The following KIF1B variants were observed in gnomAD, a reference collection of about 807,000 sequenced individuals.
The protein encoded by KIF1B is kinesin family member 1B.
In KIF1B, 76 loss-of-function variants were observed where a neutral mutation model predicts 241.9. The observed-to-expected ratio is 0.31, with a 90% CI of 0.26 to 0.38. The LOEUF (loss-of-function observed/expected upper bound fraction) is 0.38. Among genes scored for constraint, KIF1B ranks in the 10% least tolerant of loss-of-function variants. The pLI is 1.00. For missense variants in KIF1B, 1,622 were observed against 2,271.4 expected, an observed-to-expected ratio of 0.71 and a Z score of 5.81; for synonymous variants, 750 against 796.7, an observed-to-expected ratio of 0.94 and a Z score of 0.99.
intron 35 of KIF1B, among the ~76,000 whole-genome samples, chr1:10,346,587 A>T (rs954085189): frequency 1.3e-5 from 2 of 151,606 alleles, no homozygotes; most frequent in Non-Finnish European, 2.9e-5. Flanking sequence ...CTGGTCTCGA[A>T]CTCCCGACCT....
intron 1 of KIF1B, among the ~76,000 whole-genome samples, chr1:10,212,929 TATAC>T (rs1168767131): frequency 0.015 from 1,200 of 80,722 alleles, 14 homozygotes; most frequent in African/African-American, 0.023. Context: ...TATATATATA[TATAC>T]ACACACACAT....
At chr1:10,300,237 A>AAT (rs1553165909) in intron 22 of KIF1B, among the ~76,000 whole-genome samples, 25 of 143,914 alleles carry the variant, frequency 1.7e-4, no homozygotes, top group African/African-American at 4.8e-4. Context: ...ACTCAGTGTC[A>AAT]AATAATAATA....
intron 2 of KIF1B, among the ~76,000 whole-genome samples, chr1:10,249,351 T>G (rs1647315624): frequency 6.6e-6 from 1 of 152,188 alleles, no homozygotes; most frequent in Non-Finnish European, 1.5e-5. Flanking sequence ...TGAATGTTAG[T>G]AAAATCTACT....
chr1:10,249,670 A>T (rs1384620124), intron 2 of KIF1B, among the ~76,000 whole-genome samples: 2 of 152,142 alleles, frequency 1.3e-5, no homozygotes, highest in Admixed American at 1.3e-4. Context: ...GGGAGGCCAA[A>T]ACAGGAGAAT....
At chr1:10,262,606 C>G (rs1215939193) in intron 5 of KIF1B, among the ~76,000 whole-genome samples, 2 of 152,122 alleles carry the variant, frequency 1.3e-5, no homozygotes, top group South Asian at 2.1e-4. Context: ...GTGTAAGCAC[C>G]CATTGTGCCC....
intron 37 of KIF1B, among the ~76,000 whole-genome samples, chr1:10,349,181 G>T (rs866545897): frequency 7.9e-5 from 12 of 152,176 alleles, no homozygotes; most frequent in African/African-American, 2.9e-4. Context: ...GCTCATGCCT[G>T]TAATCCCAGC....
At chr1:10,251,734 C>CAA (rs1246569045) in intron 2 of KIF1B, among the ~76,000 whole-genome samples, 5 of 131,314 alleles carry the variant, frequency 3.8e-5, no homozygotes, top group Admixed American at 1.5e-4. Context: ...AACTCCGTCT[C>CAA]AAAAAAAAAA....
intron 22 of KIF1B, chr1:10,305,318 G>T: frequency 1.9e-6 from 2 of 1,047,062 alleles, no homozygotes; most frequent in Non-Finnish European, 2.3e-6. Flanking sequence ...ATCAGAATAT[G>T]TATGAAATTT....
At chr1:10,223,223 T>C (rs1208819088) in intron 1 of KIF1B, among the ~76,000 whole-genome samples, 2 of 151,976 alleles carry the variant, frequency 1.3e-5, no homozygotes, top group African/African-American at 2.4e-5. Flanking sequence ...GCACTTCATC[T>C]AGCCTGGGTG....
At chr1:10,242,655 T>TA (rs1404254540) in intron 2 of KIF1B, among the ~76,000 whole-genome samples, 1 of 152,108 alleles carries the variant, frequency 6.6e-6, no homozygotes, top group Non-Finnish European at 1.5e-5. Context: ...TAGCTGGGAT[T>TA]ACAGATGCCC....
intron 13 of KIF1B, 92 bp downstream of exon 13, chr1:10,278,220 A>G: frequency 1.5e-6 from 2 of 1,358,070 alleles, no homozygotes; most frequent in Non-Finnish European, 2.1e-6. Context: ...CTTCAAGTTA[A>G]GGAGCATGAT....
rs1344150193 is a variant in KIF1B at position 10,365,389 on chromosome 1, A to G, written c.4513-20A>G. 1.2e-6 allele frequency: 2 copies of G among 1,614,064 alleles called. No individual in the cohort carries two copies. The highest frequency in any genetic ancestry group is 1.7e-6 in the Non-Finnish European group (2 of 1,180,002). ...TAACGAGCTTTGTGTTTGCTATAGCAGTAGTATTGATCTTCTCAGGTGGAA... is the reference window on the plus strand; with the variant it reads ...TAACGAGCTTTGTGTTTGCTATAGCGGTAGTATTGATCTTCTCAGGTGGAA... On this transcript the variant is annotated intron_variant, in intron 42 of 48. Transcript: ENST00000676179. This position sits in a 1 kb window ranked among gnomAD's most constrained non-coding sequence, Gnocchi z 4.0.
At chr1:10,272,476 T>A (rs1227148405) in intron 9 of KIF1B, 170 bp downstream of exon 9, 1 of 684,870 alleles carries the variant, frequency 1.5e-6, no homozygotes, top group Admixed American at 2.0e-5. Context: ...CAGTTTGACT[T>A]TGTACTGAAA....
At chr1:10,320,175 T>G (rs1313608402) in intron 23 of KIF1B, 39 bp downstream of exon 23, 17 of 1,352,802 alleles carry the variant, frequency 1.3e-5, no homozygotes, top group Non-Finnish European at 1.8e-5. Context: ...TGTATATCTT[T>G]TTGAAGTTAT....
intron 15 of KIF1B, among the ~76,000 whole-genome samples, chr1:10,288,849 T>C (rs1163851458): frequency 6.6e-6 from 1 of 152,214 alleles, no homozygotes; most frequent in African/African-American, 2.4e-5. Context: ...TTGGTATGTT[T>C]TTTGTTTTGA....
chr1:10,270,142 C>T (rs746339555), intron 7 of KIF1B, among the ~76,000 whole-genome samples: 17 of 152,074 alleles, frequency 1.1e-4, no homozygotes, highest in Non-Finnish European at 2.1e-4. Flanking sequence ...TCAGTTTTGA[C>T]GTATTTGTAT....
At position 10,303,306 on chromosome 1, in the gene KIF1B, G is replaced by C; in HGVS notation, c.2115+6060G>C. The C allele has an allele frequency of 6.2e-7, 1 of 1,614,212 alleles. No homozygotes were observed. Among genetic ancestry groups the C allele is most frequent in the Non-Finnish European group, 8.5e-7 (1 of 1,180,034 alleles). On this transcript the variant is annotated intron_variant, in intron 22 of 48. Transcript: ENST00000676179. The surrounding 1 kb of genome is among the most constrained non-coding windows in gnomAD (Gnocchi z 5.2). ...AATGTGGCCTCCCAAGCAGTGGGAAGAAACGTGAACCAATTAAAATGTATC... is the reference window on the plus strand; with the variant it reads ...AATGTGGCCTCCCAAGCAGTGGGAACAAACGTGAACCAATTAAAATGTATC...
intron 2 of KIF1B, among the ~76,000 whole-genome samples, chr1:10,243,007 AGTGAGGAAAT>A (rs1298544337): frequency 6.6e-6 from 1 of 152,200 alleles, no homozygotes; most frequent in Non-Finnish European, 1.5e-5. Context: ...GAAGCAACAC[AGTGAGGAAAT>A]GATTTAACTA....
intron 1 of KIF1B, among the ~76,000 whole-genome samples, chr1:10,225,729 C>T (rs1453913929): frequency 3.3e-5 from 5 of 152,114 alleles, no homozygotes; most frequent in Admixed American, 6.6e-5. Context: ...TGGAAGTCCT[C>T]TGGTGGGTGG....
Sources: gnomAD v4.1 joint callset for allele counts (sites outside exome capture counted in the v4.1 genomes callset) on GRCh38, gnomAD v4.1.1 for gene constraint, Gnocchi (gnomAD v3.1) non-coding constraint, MANE v1.5 for transcripts, NCBI Gene and HGNC (gene_info 2026-07-23, HGNC 2026-07-21) for gene names.